SLC44A5: variants seen among roughly 807,000 people sequenced by gnomAD.
The protein encoded by SLC44A5 is solute carrier family 44 member 5.
In SLC44A5, 57 loss-of-function variants were observed where a neutral mutation model predicts 101.8. That is an observed-to-expected ratio of 0.56 (90% CI 0.45 to 0.70). The LOEUF (loss-of-function observed/expected upper bound fraction) is 0.70. SLC44A5 is among the 30% of genes least tolerant of loss of function. The probability of loss-of-function intolerance (pLI) is 0.00; values close to 1 mark genes in which losing one functional copy is unlikely to be tolerated. For missense variants in SLC44A5, 737 were observed against 853.1 expected (o/e 0.86, Z 1.70); for synonymous variants, 281 against 290.9 (o/e 0.97, Z 0.35).
intron 1 of SLC44A5, among the ~76,000 whole-genome samples, chr1:75,549,506 T>C (rs1671825206): frequency 6.6e-6 from 1 of 152,156 alleles, no homozygotes; most frequent in Non-Finnish European, 1.5e-5. Flanking sequence ...ACCTTTCTCA[T>C]TTTATTCATT....
At chr1:75,291,690 G>C (rs1475604142) in intron 5 of SLC44A5, among the ~76,000 whole-genome samples, 1 of 152,074 alleles carries the variant, frequency 6.6e-6, no homozygotes, top group Non-Finnish European at 1.5e-5. Context: ...ACTGAGGACA[G>C]AAAGGAGACC....
intron 1 of SLC44A5, among the ~76,000 whole-genome samples, chr1:75,588,310 G>T (rs1476094151): frequency 6.6e-6 from 1 of 151,812 alleles, no homozygotes; most frequent in African/African-American, 2.4e-5. Flanking sequence ...GAAAGAAAGG[G>T]ATGGAGTAAA....
chr1:75,224,314 T>C (rs532603364), intron 13 of SLC44A5, among the ~76,000 whole-genome samples: 1 of 152,340 alleles, frequency 6.6e-6, no homozygotes, highest in Admixed American at 6.5e-5. Context: ...TTGTTATTGT[T>C]TTATGTATTT....
chr1:75,445,533 C>T lies in SLC44A5; in HGVS notation c.14-48912G>A, dbSNP rs144063406. On this transcript the variant is annotated intron_variant, in intron 2 of 23. Coordinates refer to ENST00000370859, the MANE Select transcript of SLC44A5 (RefSeq NM_001130058.2). Reference sequence around the variant, plus strand: ...CACAATATAATATATGTATATATTACGTAATATATACATATATATGTATAA... The same window carrying T: ...CACAATATAATATATGTATATATTATGTAATATATACATATATATGTATAA... 2.9e-4 allele frequency among the ~76,000 whole-genome samples: 42 copies of T among 146,830 alleles called. 1 individual carries two copies. The highest frequency in any genetic ancestry group is 1.7e-3 in the Admixed American group (25 of 14,686).
rs1043610510 is a variant in SLC44A5, at chr1:75,532,945, A to T, written c.13+8490T>A. On this transcript the variant is annotated intron_variant, in intron 2 of 23. Coordinates refer to ENST00000370859, the MANE Select transcript of SLC44A5 (RefSeq NM_001130058.2). ...TAAATGTTAACTATTATTGATATTT[A>T]TCTTATTACTAATAATTAGCAATCT... Among the ~76,000 whole-genome samples, 3 of 152,376 alleles carry T rather than the reference A, an allele frequency of 2.0e-5. No homozygotes were observed. In the East Asian group the frequency reaches 5.8e-4, roughly 29 times the overall value.
At chr1:75,448,026 A>G (rs887914015) in intron 2 of SLC44A5, among the ~76,000 whole-genome samples, 4 of 152,162 alleles carry the variant, frequency 2.6e-5, no homozygotes, top group Admixed American at 6.5e-5. Flanking sequence ...ATTCAATTAA[A>G]TATATAAAAG....
intron 6 of SLC44A5, among the ~76,000 whole-genome samples, chr1:75,256,709 C>A (rs749924466): frequency 6.6e-6 from 1 of 151,774 alleles, no homozygotes; most frequent in Non-Finnish European, 1.5e-5. Context: ...TGAAAGGGAA[C>A]GAAAAGATGG....
chr1:75,507,464 G>A (rs1212854776), intron 2 of SLC44A5, among the ~76,000 whole-genome samples: 3 of 152,114 alleles, frequency 2.0e-5, no homozygotes, highest in African/African-American at 4.8e-5. Context: ...ATTTTGTTGA[G>A]AATTTTTTTG....
intron 11 of SLC44A5, 43 bp from the exon 12 acceptor site, chr1:75,234,141 A>G: frequency 7.2e-7 from 1 of 1,390,922 alleles, no homozygotes; most frequent in Non-Finnish European, 1.0e-6. Flanking sequence ...AGTGTGCTAA[A>G]CACAGCATAT....
chr1:75,442,264 G>T, intron 2 of SLC44A5, among the ~76,000 whole-genome samples: 1 of 151,760 alleles, frequency 6.6e-6, no homozygotes, highest in East Asian at 1.9e-4. Context: ...AGCTGCTAAA[G>T]GAAAAAAAAT....
At chr1:75,211,616 G>T in intron 22 of SLC44A5, 64 bp from the exon 23 acceptor site, 2 of 1,204,802 alleles carry the variant, frequency 1.7e-6, no homozygotes, top group Non-Finnish European at 2.4e-6. Context: ...GAATAATGCA[G>T]CTATAAATGA....
chr1:75,651,840 C>T, the SLC44A5 span, among the ~76,000 whole-genome samples: 6 of 152,084 alleles, frequency 3.9e-5, no homozygotes, highest in Admixed American at 1.3e-4. Context: ...GCCCCACACA[C>T]ACACACGCAC....
chr1:75,330,150 C>CATATAT, intron 4 of SLC44A5, among the ~76,000 whole-genome samples: 1 of 68,208 alleles, frequency 1.5e-5, no homozygotes, highest in Admixed American at 2.1e-4. Context: ...CATGCATATA[C>CATATAT]GTATATGCAT....
chr1:75,366,629 C>T (rs1659875354), intron 3 of SLC44A5, among the ~76,000 whole-genome samples: 1 of 152,112 alleles, frequency 6.6e-6, no homozygotes, highest in Non-Finnish European at 1.5e-5. Context: ...CCTTTTCTCT[C>T]ATTTCTTGTT....
rs1170826992 is a variant in SLC44A5 at position 75,508,611 on chromosome 1, G to A, written c.13+32824C>T. On this transcript the variant is annotated intron_variant, in intron 2 of 23. Coordinates refer to ENST00000370859, the MANE Select transcript of SLC44A5 (RefSeq NM_001130058.2). ...TTTGATAGACTGGTAACTAGATGAA[G>A]AAGGAAAAAAAAGAGAGGATCCAAA... is the stretch of plus-strand genomic sequence containing the variant. 2.0e-5 allele frequency among the ~76,000 whole-genome samples: 3 copies of A among 151,452 alleles called. No homozygotes were observed. In the South Asian group the frequency reaches 6.2e-4, roughly 31 times the overall value.
At chr1:75,470,948 C>A (rs1337518520) in intron 2 of SLC44A5, among the ~76,000 whole-genome samples, 1 of 152,082 alleles carries the variant, frequency 6.6e-6, no homozygotes, top group African/African-American at 2.4e-5. Context: ...GTTTCTAACT[C>A]CTCAATTACA....
chr1:75,302,672 T>C (rs1369280183), intron 4 of SLC44A5, among the ~76,000 whole-genome samples: 5 of 152,114 alleles, frequency 3.3e-5, no homozygotes, highest in African/African-American at 4.8e-5. Context: ...AATAATAAAA[T>C]AGAAAAATTA....
At chr1:75,527,838 T>A (rs1670505343) in intron 2 of SLC44A5, among the ~76,000 whole-genome samples, 1 of 152,260 alleles carries the variant, frequency 6.6e-6, no homozygotes, top group Non-Finnish European at 1.5e-5. Context: ...ACCTTTTGTA[T>A]CACATATACG....
intron 3 of SLC44A5, among the ~76,000 whole-genome samples, chr1:75,388,466 C>G (rs979262434): frequency 6.6e-6 from 1 of 152,114 alleles, no homozygotes; most frequent in Non-Finnish European, 1.5e-5. Context: ...ATCCAGCTAA[C>G]AACATCACAA....
Sources: gnomAD v4.1 joint callset for allele counts (sites outside exome capture counted in the v4.1 genomes callset) on GRCh38, gnomAD v4.1.1 for gene constraint, MANE v1.5 for transcripts, NCBI Gene and HGNC (gene_info 2026-07-23, HGNC 2026-07-21) for gene names.